VPS35L: variants seen among roughly 807,000 people sequenced by gnomAD.
VPS35L encodes the protein VPS35 endosomal protein sorting factor like.
VPS35L carries 83 observed loss-of-function variants against 133.0 expected under a neutral mutation model. The ratio of observed to expected loss-of-function variants is 0.62; its 90% confidence interval spans 0.52 to 0.75. The LOEUF is 0.75. Ranked by LOEUF, VPS35L falls within the 30% of genes least tolerant of loss-of-function variation. The pLI is 0.00. For synonymous variants in VPS35L, 423 were observed against 449.9 expected (o/e 0.94, Z 0.76); for missense variants, 1,083 against 1,206.8 (o/e 0.90, Z 1.52).
intron 21 of VPS35L, 129 bp from the exon 22 acceptor site, chr16:19,642,267 T>C: frequency 1.4e-6 from 1 of 697,650 alleles, no homozygotes; most frequent in Admixed American, 2.7e-5. Flanking sequence ...ACTGGTAAAC[T>C]GGGCTGGGTG....
intron 1 of VPS35L, among the ~76,000 whole-genome samples, chr16:19,562,200 G>T (rs550724214): frequency 6.6e-6 from 1 of 152,298 alleles, no homozygotes; most frequent in East Asian, 1.9e-4. Context: ...ATAGGGGACA[G>T]AGATTGGCCT....
chr16:19,634,428 A>C (rs1973560616), intron 19 of VPS35L, among the ~76,000 whole-genome samples: 1 of 152,052 alleles, frequency 6.6e-6, no homozygotes, highest in Non-Finnish European at 1.5e-5. Context: ...AAAAAAAAAA[A>C]AAAAAAACCC....
chr16:19,597,473 A>G (rs226859), intron 8 of VPS35L, among the ~76,000 whole-genome samples: 51,195 of 152,018 alleles, frequency 0.34, 10,655 homozygotes, highest in African/African-American at 0.58. Flanking sequence ...ACCGATAGAA[A>G]TGGTTTCTCT....
intron 27 of VPS35L, among the ~76,000 whole-genome samples, chr16:19,675,769 C>T (rs545717251): frequency 3.3e-5 from 5 of 151,302 alleles, no homozygotes; most frequent in South Asian, 2.1e-4. Context: ...AGGCTGGTCT[C>T]AAACTCCTGA....
intron 26 of VPS35L, among the ~76,000 whole-genome samples, chr16:19,666,580 C>T (rs1974669567): frequency 6.6e-6 from 1 of 152,222 alleles, no homozygotes; most frequent in South Asian, 2.1e-4. Flanking sequence ...TAGCTCCGTC[C>T]TTTAGAGTGG....
chr16:19,649,149 C>T (rs934027226), intron 24 of VPS35L, among the ~76,000 whole-genome samples: 5 of 151,904 alleles, frequency 3.3e-5, no homozygotes, highest in African/African-American at 7.3e-5. Flanking sequence ...CCACCATGCC[C>T]GGCTAATTCT....
intron 29 of VPS35L, among the ~76,000 whole-genome samples, chr16:19,697,965 G>A (rs1010056393): frequency 6.6e-6 from 1 of 152,174 alleles, no homozygotes; most frequent in Non-Finnish European, 1.5e-5. Flanking sequence ...TGCAGAATGG[G>A]AGCATATTCA....
intron 29 of VPS35L, among the ~76,000 whole-genome samples, chr16:19,697,166 A>G (rs1003794746): frequency 6.6e-6 from 1 of 152,212 alleles, no homozygotes; most frequent in Non-Finnish European, 1.5e-5. Context: ...CGCCCACAGC[A>G]CAACCTGCTC....
chr16:19,671,311 G>T (rs1425200865), intron 27 of VPS35L, among the ~76,000 whole-genome samples: 1 of 146,262 alleles, frequency 6.8e-6, no homozygotes, highest in African/African-American at 2.5e-5. Context: ...TCTACTAAAA[G>T]TACAAAAATT....
rs925924656 is a variant in VPS35L at position 19,699,838 on chromosome 16, C to T, written c.2793+190C>T. Among the ~76,000 whole-genome samples, 5 of 152,160 alleles carry T rather than the reference C, an allele frequency of 3.3e-5. No homozygotes were observed. The highest frequency in any genetic ancestry group is 3.3e-4 in the Admixed American group (5 of 15,280). On this transcript the variant is annotated intron_variant, in intron 30 of 30. Coordinates refer to ENST00000417362, the MANE Select transcript of VPS35L (RefSeq NM_020314.7). The surrounding 1 kb of genome is among the most constrained non-coding windows in gnomAD (Gnocchi z 4.2). ...GCTGGCCAGGTGTGGCAGCTCATGC[C>T]TATAATCCCAGCACTTTGGGAGGCT...
chr16:19,626,766 A>G (rs1178453595), intron 15 of VPS35L, among the ~76,000 whole-genome samples: 2 of 152,170 alleles, frequency 1.3e-5, no homozygotes, highest in Non-Finnish European at 2.9e-5. Flanking sequence ...GTCTCAAAAA[A>G]CAAAAGAAAA....
chr16:19,676,053 ACCAGCCTGGCAAATGTAGCAAAACC>A (rs377693343), intron 27 of VPS35L, among the ~76,000 whole-genome samples: 37 of 152,208 alleles, frequency 2.4e-4, no homozygotes, highest in African/African-American at 8.4e-4. Context: ...GGAGTTCGAG[ACCAGCCTGGCAAATGTAGCAAAACC>A]CCATTTCTAC....
chr16:19,570,158 G>A (rs1284106071), intron 3 of VPS35L, among the ~76,000 whole-genome samples: 3 of 151,964 alleles, frequency 2.0e-5, no homozygotes, highest in South Asian at 2.1e-4. Context: ...CTCCGACTCC[G>A]GGTTCAAGCA....
At chr16:19,673,729 C>T (rs796366162) in intron 27 of VPS35L, among the ~76,000 whole-genome samples, 9 of 152,272 alleles carry the variant, frequency 5.9e-5, no homozygotes, top group Non-Finnish European at 8.8e-5. Context: ...GCCTTGCTAA[C>T]GCCACTCATT....
intron 9 of VPS35L, among the ~76,000 whole-genome samples, chr16:19,602,140 A>G (rs1464255677): frequency 6.6e-6 from 1 of 152,190 alleles, no homozygotes; most frequent in Non-Finnish European, 1.5e-5. Context: ...TGAATTCACA[A>G]TCTATACCCA....
chr16:19,608,085 C>G (rs1269201676), intron 9 of VPS35L, 93 bp from the exon 10 acceptor site: 3 of 896,406 alleles, frequency 3.3e-6, no homozygotes, highest in African/African-American at 3.4e-5. Context: ...GAGTCACCCC[C>G]TTTTCTGCTC....
At chr16:19,644,381 C>T (rs955189484) in intron 22 of VPS35L, among the ~76,000 whole-genome samples, 5 of 152,100 alleles carry the variant, frequency 3.3e-5, no homozygotes, top group Non-Finnish European at 7.4e-5. Context: ...ATTCTTTCAA[C>T]TTTGCTGTAC....
chr16:19,558,647 A>C (rs1217925816), intron 1 of VPS35L, among the ~76,000 whole-genome samples: 1 of 152,132 alleles, frequency 6.6e-6, no homozygotes, highest in Non-Finnish European at 1.5e-5. Context: ...TGGACCGGGC[A>C]AGGTGGTTCA....
intron 18 of VPS35L, 34 bp downstream of exon 18, chr16:19,629,854 T>TC: frequency 6.3e-7 from 1 of 1,598,050 alleles, no homozygotes; most frequent in Non-Finnish European, 8.6e-7. Context: ...TTTGAAAGAA[T>TC]TAGATTTTTT....
Sources: allele counts gnomAD v4.1 joint callset (sites outside exome capture counted in the v4.1 genomes callset), GRCh38; gene constraint gnomAD v4.1.1; non-coding constraint Gnocchi (gnomAD v3.1); transcripts MANE v1.5; gene names NCBI Gene and HGNC (gene_info 2026-07-23, HGNC 2026-07-21).